Variants in CDH20 observed in about 807,000 individuals in gnomAD.
CDH20 encodes the protein cadherin-20.
Under a neutral mutation model 74.2 loss-of-function variants are expected in CDH20, and 29 were observed. The ratio of observed to expected loss-of-function variants is 0.39; its 90% CI spans 0.29 to 0.53. The LOEUF is 0.53. CDH20 is among the 20% of genes least tolerant of loss of function. The pLI, the probability that CDH20 is intolerant of heterozygous loss-of-function variation, is 0.69. For missense variants in CDH20, 988 were observed against 1,048.3 expected, an observed-to-expected ratio of 0.94 and a Z score of 0.79; for synonymous variants, 469 against 405.4, an observed-to-expected ratio of 1.16 and a Z score of -1.88.
intron 1 of CDH20, among the ~76,000 whole-genome samples, chr18:61,433,269 G>A (rs138081058): frequency 8.7e-4 from 132 of 152,112 alleles, no homozygotes; most frequent in Non-Finnish European, 1.4e-3. Flanking sequence ...TTACTAATAT[G>A]TGTTTAGTCA....
At chr18:61,476,160 C>A (rs1910375359) in intron 1 of CDH20, among the ~76,000 whole-genome samples, 1 of 152,078 alleles carries the variant, frequency 6.6e-6, no homozygotes, top group Non-Finnish European at 1.5e-5. Flanking sequence ...TGACTCATAA[C>A]CAAGAGAATG....
intron 1 of CDH20, among the ~76,000 whole-genome samples, chr18:61,378,276 A>G (rs1282206336): frequency 6.6e-6 from 1 of 152,218 alleles, no homozygotes; most frequent in Non-Finnish European, 1.5e-5. Flanking sequence ...AACCAATGGT[A>G]GACGTGTATC....
At chr18:61,404,789 A>C in intron 1 of CDH20, 1 of 321,084 alleles carries the variant, frequency 3.1e-6, no homozygotes, top group Non-Finnish European at 5.4e-6. Flanking sequence ...TTAAAAAAAA[A>C]TTGTCAACTT....
At position 61,555,303 on chromosome 18, in the gene CDH20, G is replaced by A; in HGVS notation, c.*608G>A. On this transcript the variant is annotated 3_prime_UTR_variant, in exon 12 of 12. Coordinates refer to ENST00000262717, the MANE Select transcript of CDH20 (RefSeq NM_031891.4). ...TGGATGGGTGGGAGGGTGGGTGAAG[G>A]AAGAGACATTGACTTTATGCTCAAG... The A allele has an allele frequency of 2.0e-6, 2 of 985,396 alleles. No homozygotes were observed. The highest frequency in any genetic ancestry group is 3.5e-5 in the African/African-American group (2 of 57,332). 61.0% of individuals were successfully genotyped at this position (985,396 alleles called of 1,614,324 possible).
chr18:61,485,927 G>A (rs1910745471), intron 1 of CDH20, among the ~76,000 whole-genome samples: 1 of 152,092 alleles, frequency 6.6e-6, no homozygotes, highest in Non-Finnish European at 1.5e-5. Context: ...CAAAAAATTA[G>A]CCGGGTGTGG....
intron 2 of CDH20, among the ~76,000 whole-genome samples, chr18:61,493,606 C>A (rs141269633): frequency 6.6e-6 from 1 of 152,208 alleles, no homozygotes; most frequent in Non-Finnish European, 1.5e-5. Context: ...TGTGTGCCCA[C>A]GCTGCTGCCC....
intron 1 of CDH20, among the ~76,000 whole-genome samples, chr18:61,338,614 A>G (rs1909836301): frequency 6.6e-6 from 1 of 152,218 alleles, no homozygotes; most frequent in African/African-American, 2.4e-5. Flanking sequence ...AGGAAGCTAT[A>G]AACTATTACC....
chr18:61,532,646 T>C (rs117006305), intron 7 of CDH20, among the ~76,000 whole-genome samples: 1,893 of 139,448 alleles, frequency 0.014, 24 homozygotes, highest in Non-Finnish European at 0.02. Flanking sequence ...ATATATTCTA[T>C]TCTATTTCAT....
At chr18:61,370,021 T>C (rs1910981991) in intron 1 of CDH20, among the ~76,000 whole-genome samples, 1 of 152,052 alleles carries the variant, frequency 6.6e-6, no homozygotes, top group African/African-American at 2.4e-5. Flanking sequence ...ATGACACAAG[T>C]TTACCTATGT....
intron 1 of CDH20, among the ~76,000 whole-genome samples, chr18:61,487,814 T>C (rs143842086): frequency 1.3e-5 from 2 of 152,218 alleles, no homozygotes; most frequent in Admixed American, 1.3e-4. Flanking sequence ...GGGGTTTTAA[T>C]TGGGAGGAAC....
rs1251608965 is a variant in CDH20, at chr18:61,333,787, G to C, written c.-193G>C. 1 of 152,578 alleles carries C rather than the reference G, an allele frequency of 6.6e-6. No individual in the cohort carries two copies. Among genetic ancestry groups the C allele is most frequent in the Admixed American group, 6.5e-5 (1 of 15,294 alleles). The allele number at this position is 152,578 out of a possible 1,614,324, so 9.5% of individuals were successfully genotyped here. A position where few individuals can be genotyped will look rare whatever the true frequency, so the allele number is the denominator to read the frequency against. Reference sequence around the variant, plus strand: ...TGAGCAGAACGCCCGCCCTGGAGCAGTTAGGACCGAAGGTCTCCGGAGAGT... The same window carrying C: ...TGAGCAGAACGCCCGCCCTGGAGCACTTAGGACCGAAGGTCTCCGGAGAGT... On this transcript the variant is annotated 5_prime_UTR_variant, in exon 1 of 12. Coordinates refer to ENST00000262717, the MANE Select transcript of CDH20 (RefSeq NM_031891.4).
At chr18:61,523,145 A>C (rs1912269643) in intron 6 of CDH20, among the ~76,000 whole-genome samples, 1 of 152,050 alleles carries the variant, frequency 6.6e-6, no homozygotes, top group Admixed American at 6.6e-5. Flanking sequence ...AATGGGAGAA[A>C]ATTTTTGCAA....
intron 5 of CDH20, among the ~76,000 whole-genome samples, chr18:61,503,756 T>C (rs1376487286): frequency 6.6e-6 from 1 of 152,174 alleles, no homozygotes; most frequent in African/African-American, 2.4e-5. Flanking sequence ...GTAGTAGCAT[T>C]TGCTGCCACT....
chr18:61,340,791 T>C (rs966736961), intron 1 of CDH20, among the ~76,000 whole-genome samples: 3 of 152,256 alleles, frequency 2.0e-5, no homozygotes, highest in African/African-American at 4.8e-5. Context: ...AATTTGTTTT[T>C]AAGCCAACAG....
intron 1 of CDH20, among the ~76,000 whole-genome samples, chr18:61,352,397 T>C (rs1910334102): frequency 6.6e-6 from 1 of 152,232 alleles, no homozygotes; most frequent in African/African-American, 2.4e-5. Context: ...AAAATATGCA[T>C]CAATGGAGCT....
chr18:61,352,642 A>T (rs1451504890), intron 1 of CDH20, among the ~76,000 whole-genome samples: 1 of 152,240 alleles, frequency 6.6e-6, no homozygotes, highest in African/African-American at 2.4e-5. Flanking sequence ...TGTAATAAAT[A>T]ATAATTACCT....
intron 6 of CDH20, among the ~76,000 whole-genome samples, chr18:61,512,830 TC>T (rs1911835278): frequency 6.6e-6 from 1 of 152,144 alleles, no homozygotes. Context: ...AGATTCTTAA[TC>T]CTGAGTTCTA....
chr18:61,394,891 G>A (rs1044858531), intron 1 of CDH20, among the ~76,000 whole-genome samples: 1 of 151,612 alleles, frequency 6.6e-6, no homozygotes, highest in Non-Finnish European at 1.5e-5. Context: ...GCTTGGCCTT[G>A]GGGTATTTCA....
chr18:61,413,971 T>C (rs1047544386), intron 1 of CDH20, among the ~76,000 whole-genome samples: 14 of 152,160 alleles, frequency 9.2e-5, no homozygotes, highest in Admixed American at 8.5e-4. Context: ...TACACCTCAG[T>C]AGGTCAAGAG....
Sources: gnomAD v4.1 joint callset for allele counts (sites outside exome capture counted in the v4.1 genomes callset) on GRCh38, gnomAD v4.1.1 for gene constraint, MANE v1.5 for transcripts, NCBI Gene and HGNC (gene_info 2026-07-23, HGNC 2026-07-21) for gene names.